The following MGAT4C variants were observed in gnomAD, a reference collection of about 807,000 sequenced individuals.
MGAT4C encodes alpha-1,3-mannosyl-glycoprotein 4-beta-N-acetylglucosaminyltransferase C.
Under a neutral mutation model 40.1 loss-of-function variants are expected in MGAT4C, and 19 were observed. The observed-to-expected ratio is 0.47, with a 90% CI of 0.33 to 0.70. The LOEUF (loss-of-function observed/expected upper bound fraction) is 0.70, where lower values mean the gene tolerates loss of function less well. MGAT4C is among the 30% of genes least tolerant of loss of function. MGAT4C has a pLI of 0.02. For synonymous variants in MGAT4C, 181 were observed against 187.1 expected, an observed-to-expected ratio of 0.97 and a Z score of 0.27; for missense variants, 491 against 563.2, an observed-to-expected ratio of 0.87 and a Z score of 1.30.
chr12:86,599,947 T>G (rs1346604988), intron 2 of MGAT4C, among the ~76,000 whole-genome samples: 1 of 152,136 alleles, frequency 6.6e-6, no homozygotes, highest in African/African-American at 2.4e-5. Flanking sequence ...TGTTTCCTTC[T>G]TGAGCTTGCA....
At chr12:86,405,506 A>G (rs1302228498) in intron 3 of MGAT4C, among the ~76,000 whole-genome samples, 3 of 152,064 alleles carry the variant, frequency 2.0e-5, no homozygotes, top group Admixed American at 1.3e-4. Context: ...GAAGGAGCAC[A>G]TTGGGTTTAT....
intron 1 of MGAT4C, among the ~76,000 whole-genome samples, chr12:86,180,792 T>C (rs927816312): frequency 2.0e-5 from 3 of 152,232 alleles, no homozygotes; most frequent in African/African-American, 7.2e-5. Context: ...TTCAGGCTCA[T>C]AGGCAGAAGG....
chr12:86,223,175 C>A (rs541827584), intron 1 of MGAT4C, among the ~76,000 whole-genome samples: 1 of 152,208 alleles, frequency 6.6e-6, no homozygotes, highest in Admixed American at 6.5e-5. Context: ...CTGGGAACTT[C>A]CATGAACAAA....
intron 2 of MGAT4C, among the ~76,000 whole-genome samples, chr12:86,603,756 AATATATAGTATAAT>A (rs1961926423): frequency 7.8e-6 from 1 of 127,836 alleles, no homozygotes; most frequent in Admixed American, 9.2e-5. Flanking sequence ...TATTATATAT[AATATATAGTATAAT>A]TATATATACT....
chr12:86,489,430 C>A (rs143916404), intron 2 of MGAT4C, among the ~76,000 whole-genome samples: 2 of 152,156 alleles, frequency 1.3e-5, no homozygotes, highest in African/African-American at 4.8e-5. Flanking sequence ...TGTGGGTACC[C>A]TAAAAGGCTG....
chr12:86,273,462 T>A (rs1952996916), intron 4 of MGAT4C, among the ~76,000 whole-genome samples: 1 of 152,190 alleles, frequency 6.6e-6, no homozygotes, highest in Non-Finnish European at 1.5e-5. Flanking sequence ...TGATTGAATG[T>A]TACTATTTAT....
intron 1 of MGAT4C, among the ~76,000 whole-genome samples, chr12:86,212,503 C>T (rs181373627): frequency 4.0e-4 from 61 of 152,098 alleles, no homozygotes; most frequent in African/African-American, 1.3e-3. Context: ...GTTATATTAT[C>T]ATCACGTAAT....
chr12:86,379,455 C>T (rs1193386694), intron 3 of MGAT4C, among the ~76,000 whole-genome samples: 1 of 152,080 alleles, frequency 6.6e-6, no homozygotes, highest in East Asian at 1.9e-4. Context: ...AAAATAGCAT[C>T]ATGCAGTAAA....
chr12:86,335,838 C>A (rs11103932), intron 3 of MGAT4C, among the ~76,000 whole-genome samples: 36,656 of 151,918 alleles, frequency 0.24, 4,574 homozygotes, highest in East Asian at 0.38. Flanking sequence ...TTTATCATGA[C>A]CTACATGGCT....
chr12:86,612,250 A>G (rs1421544972), intron 2 of MGAT4C, among the ~76,000 whole-genome samples: 1 of 152,146 alleles, frequency 6.6e-6, no homozygotes, highest in Non-Finnish European at 1.5e-5. Flanking sequence ...TATGTGAATG[A>G]TCCCCATATA....
At chr12:86,284,685 G>C (rs1222531456) in intron 4 of MGAT4C, among the ~76,000 whole-genome samples, 3 of 151,872 alleles carry the variant, frequency 2.0e-5, no homozygotes, top group Admixed American at 1.3e-4. Context: ...GATTTGTTTT[G>C]ACATAAACCA....
At chr12:86,346,719 C>T (rs77565861) in intron 3 of MGAT4C, among the ~76,000 whole-genome samples, 11,029 of 152,054 alleles carry the variant, frequency 0.073, 956 homozygotes, top group East Asian at 0.25. Context: ...TTGAAGGATG[C>T]GAAGTATTGT....
intron 2 of MGAT4C, among the ~76,000 whole-genome samples, chr12:86,648,666 C>T (rs923543972): frequency 2.0e-5 from 3 of 151,868 alleles, no homozygotes; most frequent in Non-Finnish European, 2.9e-5. Flanking sequence ...TTGAACGTCC[C>T]GGACTCCTGA....
chr12:85,959,695 C>CT lies in MGAT4C; in HGVS notation c.*19593dup, dbSNP rs1468927012. The CT allele has an allele frequency of 6.7e-6, 1 of 149,970 alleles. No individual in the cohort carries two copies. Among genetic ancestry groups the CT allele is most frequent in the Non-Finnish European group, 1.5e-5 (1 of 67,482 alleles). The allele number at this position is 149,970 out of a possible 1,614,324, so 9.3% of individuals were successfully genotyped here. ...TTTCACTCACCTTAACAATTTCTCA[C>CT]TTTTTTCTGCTTTTTTTTTTTTTTT... On this transcript the variant is annotated 3_prime_UTR_variant, in exon 5 of 5. Transcript: ENST00000611864.
intron 4 of MGAT4C, among the ~76,000 whole-genome samples, chr12:86,287,944 GAACT>G (rs1218814202): frequency 2.0e-5 from 3 of 152,230 alleles, no homozygotes; most frequent in South Asian, 4.1e-4. Context: ...CACAATGGTT[GAACT>G]AATTTACACT....
intron 1 of MGAT4C, among the ~76,000 whole-genome samples, chr12:86,165,775 T>C (rs1231913029): frequency 1.3e-5 from 2 of 152,184 alleles, no homozygotes; most frequent in Non-Finnish European, 2.9e-5. Flanking sequence ...TGAAAAACAC[T>C]ATAATTAGAA....
At chr12:86,253,830 C>T (rs1438172611) in intron 1 of MGAT4C, among the ~76,000 whole-genome samples, 1 of 151,816 alleles carries the variant, frequency 6.6e-6, no homozygotes, top group Non-Finnish European at 1.5e-5. Flanking sequence ...TCAATCATTA[C>T]ATGAAACTAA....
intron 4 of MGAT4C, among the ~76,000 whole-genome samples, chr12:86,274,502 G>A (rs1466543594): frequency 6.6e-6 from 1 of 151,940 alleles, no homozygotes; most frequent in Non-Finnish European, 1.5e-5. Context: ...AGCAATAGAG[G>A]CAATCTTCAT....
chr12:86,082,111 A>G (rs1314390641), intron 1 of MGAT4C, among the ~76,000 whole-genome samples: 1 of 152,182 alleles, frequency 6.6e-6, no homozygotes, highest in Non-Finnish European at 1.5e-5. Flanking sequence ...TAAGCACTTC[A>G]TAAGAATCCC....
Sources: gnomAD v4.1 joint callset for allele counts (sites outside exome capture counted in the v4.1 genomes callset) on GRCh38, gnomAD v4.1.1 for gene constraint, MANE v1.5 for transcripts, NCBI Gene and HGNC (gene_info 2026-07-23, HGNC 2026-07-21) for gene names.